The following CCDC88C variants were observed in gnomAD, a reference collection of about 807,000 sequenced individuals.
CCDC88C encodes the protein protein Daple.
Under a neutral mutation model 198.8 loss-of-function variants are expected in CCDC88C, and 131 were observed. The observed-to-expected ratio is 0.66, with a 90% CI of 0.57 to 0.76. The LOEUF (loss-of-function observed/expected upper bound fraction) is 0.76, where lower values mean the gene tolerates loss of function less well. Ranked by LOEUF, CCDC88C falls within the 30% of genes least tolerant of loss-of-function variation. The pLI, the probability that CCDC88C is intolerant of heterozygous loss-of-function variation, is 0.00. For missense variants in CCDC88C, 2,553 were observed against 2,631.6 expected, an observed-to-expected ratio of 0.97 and a Z score of 0.65; for synonymous variants, 1,166 against 1,114.7, an observed-to-expected ratio of 1.05 and a Z score of -0.92.
At chr14:91,378,137 A>G (rs967601135) in intron 3 of CCDC88C, among the ~76,000 whole-genome samples, 1 of 152,234 alleles carries the variant, frequency 6.6e-6, no homozygotes, top group South Asian at 2.1e-4. Flanking sequence ...GGGTGAGGCC[A>G]TCTATAACAA....
chr14:91,312,410 C>T (rs111722265), intron 15 of CCDC88C, among the ~76,000 whole-genome samples: 4 of 151,928 alleles, frequency 2.6e-5, no homozygotes, highest in Admixed American at 6.6e-5. Context: ...GGGTCGGGCG[C>T]GGTGGCTCAT....
At chr14:91,274,417 G>A (rs1486305281) in intron 29 of CCDC88C, among the ~76,000 whole-genome samples, 1 of 152,248 alleles carries the variant, frequency 6.6e-6, no homozygotes, top group Non-Finnish European at 1.5e-5. Flanking sequence ...AGAGGCAAGG[G>A]TCTATGGCCC....
intron 10 of CCDC88C, among the ~76,000 whole-genome samples, chr14:91,331,553 GA>G (rs1293233321): frequency 2.4e-5 from 2 of 81,802 alleles, no homozygotes; most frequent in African/African-American, 3.5e-5. Context: ...AGAGAGAGGA[GA>G]GAGAAAGACA....
At position 91,284,482 on chromosome 14, in the gene CCDC88C, G is replaced by A. The variant is rs1454158129; in HGVS notation, c.4442-965C>T. Among the ~76,000 whole-genome samples, 2 of 152,218 alleles carry A rather than the reference G, an allele frequency of 1.3e-5. No individual in the cohort carries two copies. Among genetic ancestry groups the A allele is most frequent in the African/African-American group, 4.8e-5 (2 of 41,452 alleles). On this transcript the variant is annotated intron_variant, in intron 25 of 29. Coordinates refer to ENST00000389857, the MANE Select transcript of CCDC88C (RefSeq NM_001080414.4). The surrounding 1 kb of genome is among the most constrained non-coding windows in gnomAD (Gnocchi z 4.1). ...TGAATCGGGACAGGTGGAATGAATC[G>A]GGACAGGTCATCCTACAGGTGAAGC...
In CCDC88C at chr14:91,324,762, C is replaced by T; in HGVS notation, c.1342+17G>A. 1 of 1,607,570 alleles carries T rather than the reference C, an allele frequency of 6.2e-7. No individual in the cohort carries two copies. The highest frequency in any genetic ancestry group is 8.5e-7 in the Non-Finnish European group (1 of 1,179,452). ...GGCCACGGCCAGGCTGGCTCCCCGG[C>T]ACCAGGCGCTACCTACCGTCTGACA... is the stretch of plus-strand genomic sequence containing the variant. On this transcript the variant is annotated intron_variant, in intron 12 of 29. Transcript: ENST00000389857.
Position 91,289,158 on chromosome 14 carries a change from A to C in CCDC88C, c.4388T>G (p.Leu1463Arg), listed in dbSNP as rs766273602. The C allele has an allele frequency of 2.5e-6, 4 of 1,613,556 alleles. No individual in the cohort carries two copies. Among genetic ancestry groups the C allele is most frequent in the South Asian group, 1.1e-5 (1 of 91,082 alleles). The change falls in exon 25 of 30, where the codon CTG becomes CGG. Residue 1463 changes from leucine (L) to arginine (R), a missense_variant. Leu to Arg is a moderately radical substitution (Grantham distance 102). Transcript: ENST00000389857. ...SQAENPDTPALGSNCAEERDA... is the reference protein window; with the variant it reads ...SQAENPDTPARGSNCAEERDA... ...GCGCTCTTCTGCACAGTTGGAGCCC[A>C]GTGCGGGGGTGTCGGGGTTCTCGGC...
chr14:91,396,939 G>A (rs915085660), intron 3 of CCDC88C, among the ~76,000 whole-genome samples: 5 of 152,174 alleles, frequency 3.3e-5, no homozygotes, highest in Non-Finnish European at 5.9e-5. Context: ...GGTCAAGGTC[G>A]AGGCTGCAGT....
intron 4 of CCDC88C, among the ~76,000 whole-genome samples, chr14:91,348,830 A>T (rs1387489499): frequency 6.6e-6 from 1 of 152,222 alleles, no homozygotes; most frequent in Non-Finnish European, 1.5e-5. Flanking sequence ...CAAATGAAGC[A>T]GAGTGATGCT....
chr14:91,391,843 T>C (rs1885524810), intron 3 of CCDC88C, among the ~76,000 whole-genome samples: 1 of 152,062 alleles, frequency 6.6e-6, no homozygotes, highest in South Asian at 2.1e-4. Context: ...CTGAGTGTAC[T>C]ATATTCCTTT....
At chr14:91,416,287 T>C (rs1030922867) in intron 2 of CCDC88C, among the ~76,000 whole-genome samples, 1 of 152,094 alleles carries the variant, frequency 6.6e-6, no homozygotes, top group Non-Finnish European at 1.5e-5. Flanking sequence ...GAAGATGAAA[T>C]GTAAAGGAGC....
intron 4 of CCDC88C, among the ~76,000 whole-genome samples, chr14:91,349,268 G>T (rs1034818547): frequency 6.6e-5 from 10 of 152,216 alleles, no homozygotes; most frequent in Admixed American, 2.6e-4. Context: ...TTTGCAGCAA[G>T]GCCCAGGGCA....
At chr14:91,414,510 T>C (rs1388593395) in intron 2 of CCDC88C, among the ~76,000 whole-genome samples, 1 of 152,240 alleles carries the variant, frequency 6.6e-6, no homozygotes, top group East Asian at 1.9e-4. Flanking sequence ...CCAGCCACTC[T>C]GCAGGACATT....
At chr14:91,321,921 AG>A (rs1892372897) in intron 12 of CCDC88C, among the ~76,000 whole-genome samples, 1 of 152,212 alleles carries the variant, frequency 6.6e-6, no homozygotes, top group Non-Finnish European at 1.5e-5. Context: ...AAATAGTAAA[AG>A]GCAGACTATC....
At chr14:91,359,400 G>A (rs1894196417) in intron 4 of CCDC88C, among the ~76,000 whole-genome samples, 1 of 152,172 alleles carries the variant, frequency 6.6e-6, no homozygotes, top group African/African-American at 2.4e-5. Flanking sequence ...GCCTCCCAAA[G>A]TGCTGGGATT....
chr14:91,407,344 G>A (rs184600821), intron 3 of CCDC88C, among the ~76,000 whole-genome samples: 3 of 152,288 alleles, frequency 2.0e-5, no homozygotes, highest in East Asian at 1.9e-4. Context: ...CTGGCCAGAC[G>A]GCTTCCTCAT....
chr14:91,373,630 A>G (rs1054114682), intron 3 of CCDC88C, among the ~76,000 whole-genome samples: 6 of 152,174 alleles, frequency 3.9e-5, no homozygotes, highest in African/African-American at 1.4e-4. Context: ...TCTCTATTCT[A>G]TCACCAAGAA....
chr14:91,280,927 ATTATT>A, intron 27 of CCDC88C, among the ~76,000 whole-genome samples: 1 of 152,242 alleles, frequency 6.6e-6, no homozygotes, highest in South Asian at 2.1e-4. Flanking sequence ...TCTTTTTAGG[ATTATT>A]TTCTCACCCT....
At chr14:91,345,400 C>T (rs553536665) in intron 4 of CCDC88C, among the ~76,000 whole-genome samples, 76 of 150,794 alleles carry the variant, frequency 5.0e-4, no homozygotes, top group Non-Finnish European at 9.8e-4. Flanking sequence ...ACCATGTTGG[C>T]CTGGCTGGTC....
At position 91,358,741 on chromosome 14, in the gene CCDC88C, G is replaced by A. The variant is rs1000885606; in HGVS notation, c.340+901C>T. Among the ~76,000 whole-genome samples the A allele has an allele frequency of 4.6e-5, 7 of 152,082 alleles. No individual in the cohort carries two copies. In the East Asian group the frequency reaches 7.8e-4, roughly 17 times the overall value. ...TGGTCTTAAACTCTTGGGCTCAAGC[G>A]ATCCTCCTGCCTCGGCCTCCCAAAG... On this transcript the variant is annotated intron_variant, in intron 4 of 29. Coordinates refer to ENST00000389857, the MANE Select transcript of CCDC88C (RefSeq NM_001080414.4).
Sources: gnomAD v4.1 joint callset for allele counts (sites outside exome capture counted in the v4.1 genomes callset) on GRCh38, gnomAD v4.1.1 for gene constraint, Gnocchi (gnomAD v3.1) non-coding constraint, MANE v1.5 for transcripts, NCBI Gene and HGNC (gene_info 2026-07-23, HGNC 2026-07-21) for gene names.